The following WDR11 variants were observed in gnomAD, a reference collection of about 807,000 sequenced individuals.
WDR11 encodes WD repeat-containing protein 11.
A neutral mutation model predicts 151.2 loss-of-function variants in WDR11; 83 were observed. That is an observed-to-expected ratio of 0.55 (90% CI 0.46 to 0.66). The LOEUF (loss-of-function observed/expected upper bound fraction) is 0.66, where lower values mean the gene tolerates loss of function less well. Ranked by LOEUF, WDR11 falls within the 30% of genes least tolerant of loss-of-function variation. The probability of loss-of-function intolerance (pLI) is 0.00; values close to 1 mark genes in which losing one functional copy is unlikely to be tolerated. For synonymous variants in WDR11, 484 were observed against 533.1 expected (o/e 0.91, Z 1.27); for missense variants, 1,301 against 1,480.9 (o/e 0.88, Z 1.99).
At position 120,906,921 on chromosome 10, in the gene WDR11, C is replaced by T. The variant is rs1848076570; in HGVS notation, c.3517+66C>T. On this transcript the variant is annotated intron_variant, in intron 28 of 28. Transcript: ENST00000263461. Reference sequence around the variant, plus strand: ...TGACATGCATGGGTTTTGGAATTTCCCTTAGTTGTGCTGCCTGGACAGGAA... The same window carrying T: ...TGACATGCATGGGTTTTGGAATTTCTCTTAGTTGTGCTGCCTGGACAGGAA... 5 of 1,608,762 alleles carry T rather than the reference C, an allele frequency of 3.1e-6. No homozygotes were observed. The South Asian group carries it at 4.4e-5, about 14-fold the overall frequency.
At position 120,862,865 on chromosome 10, in the gene WDR11, A is replaced by G. The variant is rs956681870; in HGVS notation, c.657A>G (p.Thr219=). The change falls in exon 5 of 29, where the codon ACA becomes ACG. Residue 219 remains threonine (T), a synonymous_variant. Coordinates refer to ENST00000263461, the MANE Select transcript of WDR11 (RefSeq NM_018117.12). The stretch of plus-strand genomic sequence containing the variant: ...CTCATAACAAGCTGGCCACAGCCAC[A>G]GGTGCCAAGAAAGCTCTAAATAAAG... ...SPAHNKLATA[T]GAKKALNKVK... 16 of 1,613,990 alleles carry G rather than the reference A, an allele frequency of 9.9e-6. No homozygotes were observed. The Admixed American group carries it at 1.8e-4, about 18-fold the overall frequency.
intron 14 of WDR11, among the ~76,000 whole-genome samples, chr10:120,884,836 A>C (rs1847159447): frequency 6.6e-6 from 1 of 152,212 alleles, no homozygotes; most frequent in Non-Finnish European, 1.5e-5. Context: ...AAAGGCCAAC[A>C]AGCCATATAA....
intron 4 of WDR11, among the ~76,000 whole-genome samples, chr10:120,861,622 C>T (rs1364776376): frequency 2.0e-5 from 3 of 152,178 alleles, no homozygotes; most frequent in African/African-American, 7.2e-5. Flanking sequence ...TCCAGAGTGT[C>T]AGTTGACCTA....
At chr10:120,854,671 T>C (rs1328505031) in intron 2 of WDR11, among the ~76,000 whole-genome samples, 1 of 152,218 alleles carries the variant, frequency 6.6e-6, no homozygotes, top group African/African-American at 2.4e-5. Context: ...TTCTCTGTTC[T>C]TTTGATTATA....
At chr10:120,866,477 C>T in intron 7 of WDR11, 92 bp from the exon 8 acceptor site, 14 of 1,475,464 alleles carry the variant, frequency 9.5e-6, no homozygotes, top group Non-Finnish European at 1.2e-5. Context: ...GGAGTGATGC[C>T]CAAATTTAGT....
In WDR11 at chr10:120,852,649, C is replaced by T; in HGVS notation, c.198+14C>T. On this transcript the variant is annotated intron_variant, in intron 2 of 28. Coordinates refer to ENST00000263461, the MANE Select transcript of WDR11 (RefSeq NM_018117.12). ...GATGTTGTAAAGGTAAGTAAAATCCCACTTTGACGCTAACATGTTGTCTAG... is the reference window on the plus strand; with the variant it reads ...GATGTTGTAAAGGTAAGTAAAATCCTACTTTGACGCTAACATGTTGTCTAG... 8 of 1,598,298 alleles carry T rather than the reference C, an allele frequency of 5.0e-6. No homozygotes were observed. The South Asian group carries it at 7.7e-5, about 15-fold the overall frequency.
intron 19 of WDR11, among the ~76,000 whole-genome samples, chr10:120,894,641 T>G (rs1307346320): frequency 6.6e-6 from 1 of 152,226 alleles, no homozygotes; most frequent in African/African-American, 2.4e-5. Context: ...TTTTTTCTAC[T>G]GATTTTCTTC....
At chr10:120,889,388 C>A in intron 17 of WDR11, 1 of 519,444 alleles carries the variant, frequency 1.9e-6, no homozygotes, top group South Asian at 2.1e-5. Flanking sequence ...CAGGCACCCA[C>A]CACCACGCCC....
intron 20 of WDR11, among the ~76,000 whole-genome samples, chr10:120,900,380 G>T (rs527646088): frequency 3.3e-5 from 5 of 152,244 alleles, no homozygotes; most frequent in Non-Finnish European, 7.3e-5. Flanking sequence ...TTGTCTTATG[G>T]TCTGAACATG....
At chr10:120,871,475 A>C (rs578115653) in intron 10 of WDR11, 129 bp downstream of exon 10, 1 of 954,524 alleles carries the variant, frequency 1.0e-6, no homozygotes, top group East Asian at 2.6e-5. Context: ...GTGAAACTGT[A>C]AATACTCATC....
At chr10:120,874,195 TGTTGTTGTTG>T (rs1564703255) in intron 11 of WDR11, among the ~76,000 whole-genome samples, 3,203 of 106,860 alleles carry the variant, frequency 0.03, 214 homozygotes, top group Admixed American at 0.048. Flanking sequence ...TTTTTTTTGT[TGTTGTTGTTG>T]TTGTTTGTTT....
At chr10:120,874,191 TTGTTGTTGTTG>T (rs1315257361) in intron 11 of WDR11, among the ~76,000 whole-genome samples, 1 of 63,662 alleles carries the variant, frequency 1.6e-5, no homozygotes, top group Non-Finnish European at 3.6e-5. Context: ...TTTTTTTTTT[TTGTTGTTGTTG>T]TTGTTGTTTG....
chr10:120,857,605 G>C (rs1331297912), intron 2 of WDR11, among the ~76,000 whole-genome samples: 2 of 151,978 alleles, frequency 1.3e-5, no homozygotes, highest in Non-Finnish European at 2.9e-5. Flanking sequence ...AAACCTTAAG[G>C]CCTGTTCACG....
At chr10:120,908,281 A>T (rs1444707487) in intron 28 of WDR11, 2 of 459,936 alleles carry the variant, frequency 4.3e-6, no homozygotes, top group African/African-American at 2.0e-5. Context: ...AGGTTATGGG[A>T]GGATGTTGGT....
Position 120,866,588 on chromosome 10 carries a change from G to C in WDR11, c.1014G>C (p.Glu338Asp). ...GTGAAGATCCAGATCCAGTTCAGGA[G>C]CTTACCTATGATTTACGAAGCCAGT... The part of the protein sequence containing the change: ...NEEPDPDPVQ[E>D]LTYDLRSQCD... The change falls in exon 8 of 29, where the codon GAG becomes GAC. Residue 338 changes from glutamate (E) to aspartate (D), a missense_variant. Physicochemically the swap from Glu to Asp is conservative, Grantham distance 45. This residue lies in a region of WDR11 where 692 missense variants were observed against 762.5 expected (regional missense o/e 0.91). Transcript: ENST00000263461. 1 of 1,614,134 alleles carries C rather than the reference G, an allele frequency of 6.2e-7. No homozygotes were observed. Among genetic ancestry groups the C allele is most frequent in the Non-Finnish European group, 8.5e-7 (1 of 1,180,020 alleles).
chr10:120,884,984 T>C (rs1847164523), intron 14 of WDR11: 1 of 152,276 alleles, frequency 6.6e-6, no homozygotes, highest in Admixed American at 6.5e-5. Context: ...TGTGCATTGC[T>C]GGTAGGAATG....
intron 16 of WDR11, among the ~76,000 whole-genome samples, chr10:120,887,431 C>T (rs552692795): frequency 1.3e-5 from 2 of 152,134 alleles, no homozygotes; most frequent in African/African-American, 4.8e-5. Flanking sequence ...TTAATTAATG[C>T]AGGCTATTAT....
intron 14 of WDR11, 108 bp from the exon 15 acceptor site, chr10:120,885,706 G>A (rs1422891919): frequency 3.6e-6 from 5 of 1,376,248 alleles, no homozygotes; most frequent in Admixed American, 3.4e-5. Flanking sequence ...TTCATGTGTA[G>A]TAATAATAAA....
chr10:120,852,523 G>C lies in WDR11; in HGVS notation c.87-1G>C. On this transcript the variant is annotated splice_acceptor_variant, in intron 1 of 28. Transcript: ENST00000263461. LOFTEE classifies it high-confidence loss of function. ...AAACTTTAACATTACTGTTTTGCTA[G>C]GGGCTGGCAAGGTTTAATTGCTTAT... The C allele has an allele frequency of 6.2e-7, 1 of 1,613,738 alleles. No individual in the cohort carries two copies. Among genetic ancestry groups the C allele is most frequent in the Non-Finnish European group, 8.5e-7 (1 of 1,179,766 alleles).
Sources: gnomAD v4.1 joint callset for allele counts (sites outside exome capture counted in the v4.1 genomes callset) on GRCh38, gnomAD v4.1.1 for gene constraint, gnomAD v4.1.1 regional missense constraint, MANE v1.5 for transcripts, NCBI Gene and HGNC (gene_info 2026-07-23, HGNC 2026-07-21) for gene names.